The following CATSPERE variants were observed in gnomAD, a reference collection of about 807,000 sequenced individuals.
CATSPERE encodes catsper channel auxiliary subunit epsilon.
Under a neutral mutation model 114.1 loss-of-function variants are expected in CATSPERE, and 93 were observed. The ratio of observed to expected loss-of-function variants is 0.81; its 90% CI spans 0.69 to 0.97. CATSPERE has a LOEUF of 0.97. Among genes scored for constraint, CATSPERE ranks in the 50% least tolerant of loss-of-function variants. The probability of loss-of-function intolerance (pLI) is 0.00; values close to 1 mark genes in which losing one functional copy is unlikely to be tolerated. For missense variants in CATSPERE, 1,058 were observed against 1,131.6 expected, an observed-to-expected ratio of 0.93 and a Z score of 0.93; for synonymous variants, 341 against 384.1, an observed-to-expected ratio of 0.89 and a Z score of 1.31.
At chr1:244,480,973 G>A (rs773790907) in intron 5 of CATSPERE, among the ~76,000 whole-genome samples, 1 of 152,176 alleles carries the variant, frequency 6.6e-6, no homozygotes, top group African/African-American at 2.4e-5. Flanking sequence ...GCAAATTTGG[G>A]GATAACAAGT....
intron 8 of CATSPERE, among the ~76,000 whole-genome samples, chr1:244,526,084 C>T (rs538679239): frequency 4.6e-5 from 7 of 152,226 alleles, no homozygotes; most frequent in African/African-American, 1.2e-4. Flanking sequence ...GGGTAGCCAA[C>T]GTAGCAAAGA....
chr1:244,490,803 C>T (rs1419618512), intron 6 of CATSPERE, among the ~76,000 whole-genome samples: 2 of 151,816 alleles, frequency 1.3e-5, no homozygotes, highest in Non-Finnish European at 2.9e-5. Flanking sequence ...AGCATCCATT[C>T]TTACTGATAT....
intron 1 of CATSPERE, among the ~76,000 whole-genome samples, chr1:244,456,050 G>C (rs1297039497): frequency 2.0e-5 from 3 of 152,114 alleles, no homozygotes; most frequent in African/African-American, 7.2e-5. Context: ...AGAGAAGCAT[G>C]CTTTGGCCAC....
upstream of CATSPERE, chr1:244,452,051 G>C (rs1302459739): frequency 5.4e-6 from 2 of 369,852 alleles, no homozygotes; most frequent in Non-Finnish European, 9.5e-6. Context: ...AGCACCGCCC[G>C]CAGGAAGAGG....
chr1:244,555,911 G>T (rs985923394), intron 9 of CATSPERE, among the ~76,000 whole-genome samples: 4 of 152,162 alleles, frequency 2.6e-5, no homozygotes, highest in African/African-American at 9.7e-5. Flanking sequence ...CACTGATAAG[G>T]CTGAGTAGAA....
chr1:244,628,900 G>A (rs746536926), intron 20 of CATSPERE, among the ~76,000 whole-genome samples: 3 of 151,978 alleles, frequency 2.0e-5, no homozygotes, highest in Admixed American at 6.6e-5. Flanking sequence ...TGTGCATTTC[G>A]GCATCCCAAG....
At chr1:244,549,436 GACAC>G (rs986079548) in intron 8 of CATSPERE, among the ~76,000 whole-genome samples, 15 of 147,910 alleles carry the variant, frequency 1.0e-4, no homozygotes, top group African/African-American at 3.5e-4. Context: ...TATATATATA[GACAC>G]ACACACATAT....
chr1:244,493,852 G>A (rs1365478703), intron 6 of CATSPERE, among the ~76,000 whole-genome samples: 1 of 152,184 alleles, frequency 6.6e-6, no homozygotes, highest in Non-Finnish European at 1.5e-5. Flanking sequence ...ATGAAAAAAT[G>A]CTCATCAATC....
chr1:244,552,559 G>C lies in CATSPERE; in HGVS notation c.774G>C (p.Glu258Asp). 2 of 1,614,162 alleles carry C rather than the reference G, an allele frequency of 1.2e-6. No homozygotes were observed. The highest frequency in any genetic ancestry group is 8.5e-7 in the Non-Finnish European group (1 of 1,180,028). ...VASAVLVTDM[E>D]TFHTTDSFKS... Reference sequence around the variant, plus strand: ...CTGCTGTTTTGGTGACAGATATGGAGACCTTTCACACAACTGATTCATTCA... The same window carrying C: ...CTGCTGTTTTGGTGACAGATATGGACACCTTTCACACAACTGATTCATTCA... Residue 258 changes from glutamate to aspartate, a missense_variant, in exon 9 of 22, where the codon GAG becomes GAC. Glu to Asp is a conservative substitution (Grantham distance 45, BLOSUM62 2). Transcript: ENST00000366534.
chr1:244,489,839 T>C (rs1255313231), intron 5 of CATSPERE, among the ~76,000 whole-genome samples: 1 of 151,914 alleles, frequency 6.6e-6, no homozygotes, highest in Non-Finnish European at 1.5e-5. Flanking sequence ...GTTAGATATA[T>C]GTATAGCAAG....
chr1:244,528,692 G>A (rs765348384), intron 8 of CATSPERE, among the ~76,000 whole-genome samples: 5 of 150,860 alleles, frequency 3.3e-5, no homozygotes, highest in Admixed American at 2.0e-4. Context: ...AATTATTATC[G>A]ACTATAGTCA....
rs114146789 is a variant in CATSPERE, at chr1:244,567,518, A to G, written c.1508-4812A>G. The stretch of plus-strand genomic sequence containing the variant: ...TAGGTTTGGTCTTTTCATATATTCC[A>G]TATTTCTTGAAGGATTTGTTCATTC... On this transcript the variant is annotated intron_variant, in intron 10 of 21. Transcript: ENST00000366534. Among the ~76,000 whole-genome samples the G allele has an allele frequency of 9.5e-3, 1,449 of 151,890 alleles. 26 individuals carry two copies. The highest frequency in any genetic ancestry group is 0.032 in the African/African-American group (1,340 of 41,458).
intron 9 of CATSPERE, among the ~76,000 whole-genome samples, chr1:244,553,880 G>T (rs978116792): frequency 1.3e-5 from 2 of 151,940 alleles, no homozygotes; most frequent in Non-Finnish European, 2.9e-5. Context: ...CTGTTTTCTT[G>T]AGATCATGGT....
intron 7 of CATSPERE, chr1:244,515,265 C>T: frequency 1.1e-6 from 1 of 898,592 alleles, no homozygotes; most frequent in African/African-American, 1.8e-5. Context: ...AACTGTTGTT[C>T]CTTCTGTCTA....
At chr1:244,551,609 A>G (rs563891817) in intron 8 of CATSPERE, among the ~76,000 whole-genome samples, 1 of 152,282 alleles carries the variant, frequency 6.6e-6, no homozygotes, top group South Asian at 2.1e-4. Context: ...GGCATGGTAC[A>G]TGAGAGATAC....
intron 17 of CATSPERE, among the ~76,000 whole-genome samples, chr1:244,600,623 T>G (rs1415029100): frequency 6.6e-6 from 1 of 152,008 alleles, no homozygotes; most frequent in African/African-American, 2.4e-5. Flanking sequence ...GCAAACCCCT[T>G]GAAACAAAGG....
intron 8 of CATSPERE, among the ~76,000 whole-genome samples, chr1:244,536,932 G>A (rs1247948514): frequency 3.6e-4 from 2 of 5,622 alleles, no homozygotes; most frequent in South Asian, 0.034. Flanking sequence ...ATTAGTTCCA[G>A]GAGTTTTTTT....
chr1:244,625,422 A>ATTTTTT (rs1349807713), intron 20 of CATSPERE, among the ~76,000 whole-genome samples: 1 of 4,040 alleles, frequency 2.5e-4, no homozygotes, highest in Non-Finnish European at 7.0e-4. Context: ...ATATATATAT[A>ATTTTTT]TATATATATA....
intron 8 of CATSPERE, among the ~76,000 whole-genome samples, chr1:244,550,900 T>C (rs762128360): frequency 1.3e-5 from 2 of 152,216 alleles, no homozygotes; most frequent in Non-Finnish European, 2.9e-5. Context: ...TGCTCAGAAA[T>C]GTTCAGTACT....
Sources: allele counts gnomAD v4.1 joint callset (sites outside exome capture counted in the v4.1 genomes callset), GRCh38; gene constraint gnomAD v4.1.1; transcripts MANE v1.5; gene names NCBI Gene and HGNC (gene_info 2026-07-23, HGNC 2026-07-21).